The following SS18L1 variants were observed in gnomAD, a reference collection of about 807,000 sequenced individuals.
SS18L1 encodes the protein SS18L1 subunit of BAF chromatin remodeling complex.
SS18L1 carries 32 observed loss-of-function variants against 70.3 expected under a neutral mutation model. That is an observed-to-expected ratio of 0.46 (90% CI 0.34 to 0.61). The LOEUF (loss-of-function observed/expected upper bound fraction) is 0.61, where lower values mean the gene tolerates loss of function less well. SS18L1 is among the 20% of genes least tolerant of loss of function. The pLI, the probability that SS18L1 is intolerant of heterozygous loss-of-function variation, is 0.01. For missense variants in SS18L1, 430 were observed against 542.1 expected (o/e 0.79, Z 2.05); for synonymous variants, 237 against 229.7 (o/e 1.03, Z -0.29).
chr20:62,161,676 C>G lies in SS18L1; in HGVS notation c.376+96C>G. 2 of 1,480,312 alleles carry G rather than the reference C, an allele frequency of 1.4e-6. No homozygotes were observed. The highest frequency in any genetic ancestry group is 1.8e-6 in the Non-Finnish European group (2 of 1,107,758). 91.7% of individuals were successfully genotyped at this position (1,480,312 alleles called of 1,614,324 possible). ...CCATGGTGGGGCACCCCACCCCTCA[C>G]AGGGCTGGGCATGGGACCCACTCCT... On this transcript the variant is annotated intron_variant, in intron 4 of 10. Coordinates refer to ENST00000331758, the MANE Select transcript of SS18L1 (RefSeq NM_198935.3). This position sits in a 1 kb window ranked among gnomAD's most constrained non-coding sequence, Gnocchi z 4.4.
intron 1 of SS18L1, among the ~76,000 whole-genome samples, chr20:62,147,376 C>T (rs186287801): frequency 6.4e-4 from 98 of 152,210 alleles, no homozygotes; most frequent in African/African-American, 2.2e-3. Flanking sequence ...GCTGGGTGTT[C>T]TCTAGCCACC....
In SS18L1 at chr20:62,157,104, G is replaced by T. The variant is rs372402999; in HGVS notation, c.70-1568G>T. 1.1e-4 allele frequency among the ~76,000 whole-genome samples: 16 copies of T among 152,208 alleles called. No homozygotes were observed. In the South Asian group the frequency reaches 3.3e-3, roughly 32 times the overall value. On this transcript the variant is annotated intron_variant, in intron 1 of 10. Coordinates refer to ENST00000331758, the MANE Select transcript of SS18L1 (RefSeq NM_198935.3). ...GGGCCACCCAGTGCTGCCCCCAGGT[G>T]GACACCTTGAAAGAGCCGGCTCTCC...
At chr20:62,165,605 C>T in intron 8 of SS18L1, 91 bp downstream of exon 8, 1 of 1,205,028 alleles carries the variant, frequency 8.3e-7, no homozygotes, top group South Asian at 1.3e-5. Context: ...GCGGTGCCTG[C>T]CTTCAGTGAG....
intron 8 of SS18L1, among the ~76,000 whole-genome samples, chr20:62,166,672 C>T (rs920452823): frequency 6.6e-6 from 1 of 151,854 alleles, no homozygotes; most frequent in Non-Finnish European, 1.5e-5. Context: ...CGCCTATAAT[C>T]CCAGCACTTT....
At chr20:62,151,187 T>C (rs2057123042) in intron 1 of SS18L1, among the ~76,000 whole-genome samples, 1 of 152,230 alleles carries the variant, frequency 6.6e-6, no homozygotes, top group Middle Eastern at 3.4e-3. Context: ...CCCTACTCTC[T>C]GTGGGCTCTG....
rs1371790726 is a variant in SS18L1, at chr20:62,159,159, C to T, written c.146+411C>T. ...AGGAGCAGTGTGGGGAGGCCTGGGC[C>T]AGCCTCTCTGGGCAGCTCTGTGGCC... On this transcript the variant is annotated intron_variant, in intron 2 of 10. Transcript: ENST00000331758. This position sits in a 1 kb window ranked among gnomAD's most constrained non-coding sequence, Gnocchi z 4.4. Among the ~76,000 whole-genome samples the T allele has an allele frequency of 6.6e-6, 1 of 152,196 alleles. No homozygotes were observed. Among genetic ancestry groups the T allele is most frequent in the Non-Finnish European group, 1.5e-5 (1 of 68,038 alleles).
intron 3 of SS18L1, among the ~76,000 whole-genome samples, chr20:62,160,637 C>T (rs979844850): frequency 2.6e-5 from 4 of 152,180 alleles, no homozygotes; most frequent in African/African-American, 7.2e-5. Context: ...CTGCTGCAGC[C>T]TCTGTCCTGC....
intron 10 of SS18L1, 109 bp from the exon 11 acceptor site, chr20:62,179,073 T>G (rs1601068204): frequency 8.4e-7 from 1 of 1,187,802 alleles, no homozygotes; most frequent in Non-Finnish European, 1.2e-6. Flanking sequence ...TGAGCAGAGG[T>G]TGTTTGCTTG....
intron 1 of SS18L1, among the ~76,000 whole-genome samples, chr20:62,152,366 T>C (rs1308127603): frequency 1.3e-5 from 2 of 152,204 alleles, no homozygotes; most frequent in Non-Finnish European, 2.9e-5. Flanking sequence ...CGGCCCCCGA[T>C]GCCAGCCTCT....
intron 8 of SS18L1, among the ~76,000 whole-genome samples, chr20:62,169,861 C>T (rs1051166193): frequency 5.3e-4 from 81 of 152,222 alleles, no homozygotes; most frequent in African/African-American, 1.9e-3. Context: ...GTCCACACCT[C>T]CTGGAGTCCC....
At chr20:62,145,409 C>T (rs1431968206) in intron 1 of SS18L1, among the ~76,000 whole-genome samples, 1 of 152,186 alleles carries the variant, frequency 6.6e-6, no homozygotes, top group Non-Finnish European at 1.5e-5. Context: ...GCCCCTTGAT[C>T]TGGGAACATT....
At chr20:62,163,270 G>C (rs1404572253) in intron 5 of SS18L1, among the ~76,000 whole-genome samples, 188 bp from the exon 6 acceptor site, 1 of 152,160 alleles carries the variant, frequency 6.6e-6, no homozygotes, top group Non-Finnish European at 1.5e-5. Flanking sequence ...TGCAAGCAGC[G>C]GGTCTGAGCT....
chr20:62,154,711 C>T (rs1171550336), intron 1 of SS18L1, among the ~76,000 whole-genome samples: 2 of 152,304 alleles, frequency 1.3e-5, no homozygotes, highest in South Asian at 2.1e-4. Flanking sequence ...CTTTCTTTGT[C>T]CCTGGTCTTT....
chr20:62,148,822 C>A (rs1203735633), intron 1 of SS18L1, among the ~76,000 whole-genome samples: 1 of 152,260 alleles, frequency 6.6e-6, no homozygotes, highest in Admixed American at 6.5e-5. Flanking sequence ...TCCTACCCAG[C>A]CTGGAGGGTG....
At chr20:62,156,024 T>C (rs1011430492) in intron 1 of SS18L1, among the ~76,000 whole-genome samples, 2 of 152,060 alleles carry the variant, frequency 1.3e-5, no homozygotes, top group African/African-American at 4.8e-5. Flanking sequence ...TGTATCCAGT[T>C]TTCTAAACAC....
intron 6 of SS18L1, 118 bp downstream of exon 6, chr20:62,163,740 G>A (rs2057375726): frequency 7.4e-7 from 1 of 1,356,606 alleles, no homozygotes. Context: ...GCCTGGGGGA[G>A]TGAGGCTTGG....
At position 62,174,832 on chromosome 20, in the gene SS18L1, T is replaced by G; in HGVS notation, c.1164+188T>G. 1 of 1,472,078 alleles carries G rather than the reference T, an allele frequency of 6.8e-7. No homozygotes were observed. The highest frequency in any genetic ancestry group is 9.0e-7 in the Non-Finnish European group (1 of 1,108,576). 91.2% of individuals were successfully genotyped at this position (1,472,078 alleles called of 1,614,324 possible). ...GCCTCTGTGTATACGCTCACCTCAGTCATCCAGCTGGCTTTTCATACCCTA... is the reference window on the plus strand; with the variant it reads ...GCCTCTGTGTATACGCTCACCTCAGGCATCCAGCTGGCTTTTCATACCCTA... On this transcript the variant is annotated intron_variant, in intron 10 of 10. Transcript: ENST00000331758. This position sits in a 1 kb window ranked among gnomAD's most constrained non-coding sequence, Gnocchi z 4.1.
At chr20:62,170,723 C>T (rs571723636) in intron 8 of SS18L1, among the ~76,000 whole-genome samples, 2 of 152,304 alleles carry the variant, frequency 1.3e-5, no homozygotes, top group South Asian at 2.1e-4. Flanking sequence ...GGGGATAGGG[C>T]GGCTGCTGCC....
chr20:62,171,931 G>A (rs900596607), intron 8 of SS18L1, among the ~76,000 whole-genome samples: 1 of 152,160 alleles, frequency 6.6e-6, no homozygotes, highest in Non-Finnish European at 1.5e-5. Context: ...AGGAGGCCAA[G>A]GTGAACGGAT....
Sources: allele counts gnomAD v4.1 joint callset (sites outside exome capture counted in the v4.1 genomes callset), GRCh38; gene constraint gnomAD v4.1.1; non-coding constraint Gnocchi (gnomAD v3.1); transcripts MANE v1.5; gene names NCBI Gene and HGNC (gene_info 2026-07-23, HGNC 2026-07-21).